CCDC60: variants seen among roughly 807,000 people sequenced by gnomAD.
CCDC60 encodes the protein coiled-coil domain containing 60.
In CCDC60, 54 loss-of-function variants were observed where a neutral mutation model predicts 63.5. The observed-to-expected ratio is 0.85, with a 90% CI of 0.68 to 1.07. The LOEUF is 1.07. Among genes scored for constraint, CCDC60 ranks in the 50% least tolerant of loss-of-function variants. The probability of loss-of-function intolerance (pLI) is 0.00; values close to 1 mark genes in which losing one functional copy is unlikely to be tolerated. For synonymous variants in CCDC60, 206 were observed against 238.8 expected (o/e 0.86, Z 1.27); for missense variants, 651 against 684.3 (o/e 0.95, Z 0.54).
intron 1 of CCDC60, among the ~76,000 whole-genome samples, chr12:119,419,828 A>G (rs1277860447): frequency 1.3e-5 from 2 of 151,532 alleles, no homozygotes; most frequent in Admixed American, 6.6e-5. Flanking sequence ...TTCCTATAAA[A>G]GATGCAACCT....
In CCDC60 at chr12:119,471,900, C is replaced by A; in HGVS notation, c.171-94C>A. 6.0e-6 allele frequency: 6 copies of A among 994,908 alleles called. No individual in the cohort carries two copies. The South Asian group carries it at 1.0e-4, about 17-fold the overall frequency. The allele number at this position is 994,908 out of a possible 1,614,324, so 61.6% of individuals were successfully genotyped here. A position where few individuals can be genotyped will look rare whatever the true frequency, so the allele number is the denominator to read the frequency against. On this transcript the variant is annotated intron_variant, in intron 2 of 13. Transcript: ENST00000327554. ...CCTCTTTATCTCTCTTTTCTCTTTCCTCTCTCTCTTTCTTTCTCTCCTTCT... is the reference window on the plus strand; with the variant it reads ...CCTCTTTATCTCTCTTTTCTCTTTCATCTCTCTCTTTCTTTCTCTCCTTCT...
rs148770195 is a variant in CCDC60 at position 119,539,671 on chromosome 12, C to T, written c.1552-943C>T. On this transcript the variant is annotated intron_variant, in intron 13 of 13. Coordinates refer to ENST00000327554, the MANE Select transcript of CCDC60 (RefSeq NM_178499.5). Reference sequence around the variant, plus strand: ...GACCACTTGGCTCCCTGGCTTCAGCCCCCTTTCCAGGGGAGTGGCAGTTGT... The same window carrying T: ...GACCACTTGGCTCCCTGGCTTCAGCTCCCTTTCCAGGGGAGTGGCAGTTGT... Among the ~76,000 whole-genome samples, 574 of 152,314 alleles carry T rather than the reference C, an allele frequency of 3.8e-3. 4 individuals carry two copies. The highest frequency in any genetic ancestry group is 0.013 in the African/African-American group (551 of 41,570).
chr12:119,522,858 C>A, intron 9 of CCDC60, 81 bp from the exon 10 acceptor site: 1 of 1,189,136 alleles, frequency 8.4e-7, no homozygotes, highest in Non-Finnish European at 1.3e-6. Flanking sequence ...TGGAAGCTAG[C>A]AGGTGCCATG....
At chr12:119,373,259 A>G (rs1222297483) in intron 1 of CCDC60, among the ~76,000 whole-genome samples, 1 of 152,212 alleles carries the variant, frequency 6.6e-6, no homozygotes, top group Non-Finnish European at 1.5e-5. Flanking sequence ...TGCCTAGCAC[A>G]TAGCATTTAC....
At position 119,539,634 on chromosome 12, in the gene CCDC60, T is replaced by A. The variant is rs544189469; in HGVS notation, c.1552-980T>A. On this transcript the variant is annotated intron_variant, in intron 13 of 13. Transcript: ENST00000327554. Reference sequence around the variant, plus strand: ...CTTGCTGGGCTCCGTGGAAGTGGGATCCAGTGAGCTAGACCACTTGGCTCC... The same window carrying A: ...CTTGCTGGGCTCCGTGGAAGTGGGAACCAGTGAGCTAGACCACTTGGCTCC... Among the ~76,000 whole-genome samples the A allele has an allele frequency of 2.3e-3, 350 of 152,352 alleles. 3 individuals are homozygous for A. Among genetic ancestry groups the A allele is most frequent in the Non-Finnish European group, 3.6e-3 (242 of 68,026 alleles).
intron 2 of CCDC60, among the ~76,000 whole-genome samples, chr12:119,466,190 C>T (rs911355654): frequency 6.6e-6 from 1 of 152,170 alleles, no homozygotes. Context: ...TGCACTGACA[C>T]CCCTCATCCC....
Position 119,505,096 on chromosome 12 carries a change from CG to C in CCDC60, c.677del (p.Arg226GlnfsTer16), listed in dbSNP as rs1951957047. 1.9e-6 allele frequency: 3 copies of C among 1,607,368 alleles called. No individual in the cohort carries two copies. In the African/African-American group the frequency reaches 4.0e-5, roughly 21 times the overall value. ...CAAGAAATTCAAAATTCCCACAATG[CG>C]AGTCACCAACCGCAAACCAAGCCGG... is the stretch of plus-strand genomic sequence containing the variant. ...KTKKFKIPTM[R>X]VTNRKPSRRG... On this transcript the variant is annotated frameshift_variant, in exon 7 of 14. Transcript: ENST00000327554. LOFTEE classifies it high-confidence loss of function.
At chr12:119,485,562 G>A (rs1951419582) in intron 4 of CCDC60, among the ~76,000 whole-genome samples, 1 of 152,282 alleles carries the variant, frequency 6.6e-6, no homozygotes, top group African/African-American at 2.4e-5. Flanking sequence ...CTCTCTCCCT[G>A]TCTTCTCTGT....
At chr12:119,395,264 G>A (rs574702331) in intron 1 of CCDC60, among the ~76,000 whole-genome samples, 1 of 152,190 alleles carries the variant, frequency 6.6e-6, no homozygotes, top group Non-Finnish European at 1.5e-5. Context: ...ATGTGTATTA[G>A]TGCATTATTG....
chr12:119,420,605 C>T lies in CCDC60; in HGVS notation c.91-8078C>T, dbSNP rs4638359. Among the ~76,000 whole-genome samples the T allele has an allele frequency of 0.32, 48,138 of 151,780 alleles. 7,839 individuals are homozygous for T. The highest frequency in any genetic ancestry group is 0.48 in the East Asian group (2,450 of 5,132). Reference sequence around the variant, plus strand: ...GATGGGGGGCAGAAGGTGGGAATGGCTAACGGGTACCAAAAAAATAGAAAG... The same window carrying T: ...GATGGGGGGCAGAAGGTGGGAATGGTTAACGGGTACCAAAAAAATAGAAAG... On this transcript the variant is annotated intron_variant, in intron 1 of 13. Transcript: ENST00000327554. This position sits in a 1 kb window ranked among gnomAD's most constrained non-coding sequence, Gnocchi z 4.1.
intron 1 of CCDC60, among the ~76,000 whole-genome samples, chr12:119,388,909 T>G (rs1479245341): frequency 6.6e-6 from 1 of 152,254 alleles, no homozygotes; most frequent in African/African-American, 2.4e-5. Flanking sequence ...TTTCCTACTT[T>G]TAGAGTATCA....
intron 1 of CCDC60, among the ~76,000 whole-genome samples, chr12:119,395,720 G>C (rs1956240186): frequency 6.6e-6 from 1 of 152,204 alleles, no homozygotes; most frequent in Admixed American, 6.5e-5. Context: ...CAAATGGGTG[G>C]CTCAAAACAG....
At chr12:119,421,801 C>T (rs1310132488) in intron 1 of CCDC60, among the ~76,000 whole-genome samples, 1 of 152,172 alleles carries the variant, frequency 6.6e-6, no homozygotes, top group Non-Finnish European at 1.5e-5. Flanking sequence ...TGACAGCAAA[C>T]GTCTTTCCAT....
intron 1 of CCDC60, among the ~76,000 whole-genome samples, chr12:119,360,696 CG>C (rs1955777641): frequency 6.6e-6 from 1 of 151,912 alleles, no homozygotes; most frequent in Non-Finnish European, 1.5e-5. Flanking sequence ...GATGTGATGG[CG>C]GCCGGGAAGA....
intron 1 of CCDC60, among the ~76,000 whole-genome samples, chr12:119,380,849 T>G (rs1165979432): frequency 6.6e-6 from 1 of 152,242 alleles, no homozygotes; most frequent in Non-Finnish European, 1.5e-5. Context: ...TTGTATTTAC[T>G]TTTATAGTTA....
intron 1 of CCDC60, among the ~76,000 whole-genome samples, chr12:119,364,122 G>A (rs534153231): frequency 3.3e-5 from 5 of 152,124 alleles, no homozygotes; most frequent in South Asian, 2.1e-4. Context: ...AATTTGGGGC[G>A]GTTTCGAGCT....
chr12:119,504,989 T>G, intron 6 of CCDC60, 80 bp from the exon 7 acceptor site: 9 of 1,049,482 alleles, frequency 8.6e-6, no homozygotes, highest in Non-Finnish European at 1.3e-5. Context: ...CTCCCCACCT[T>G]CCTCCTTCCC....
Position 119,338,433 on chromosome 12 carries a change from G to C in CCDC60, c.90+3167G>C, listed in dbSNP as rs145169041. ...TTCAGAACCTTCTACAATCCTTCAA[G>C]CTATGAACTGTTACCTCTTCATGAG... On this transcript the variant is annotated intron_variant, in intron 1 of 13. Coordinates refer to ENST00000327554, the MANE Select transcript of CCDC60 (RefSeq NM_178499.5). 3.4e-3 allele frequency among the ~76,000 whole-genome samples: 523 copies of C among 152,246 alleles called. 4 individuals are homozygous for C. Among genetic ancestry groups the C allele is most frequent in the African/African-American group, 0.012 (490 of 41,540 alleles).
intron 5 of CCDC60, among the ~76,000 whole-genome samples, chr12:119,491,018 A>T (rs1951568584): frequency 6.6e-6 from 1 of 152,214 alleles, no homozygotes; most frequent in South Asian, 2.1e-4. Context: ...AAAGTCTATG[A>T]TATGTCCTTC....
Sources: allele counts gnomAD v4.1 joint callset (sites outside exome capture counted in the v4.1 genomes callset), GRCh38; gene constraint gnomAD v4.1.1; non-coding constraint Gnocchi (gnomAD v3.1); transcripts MANE v1.5; gene names NCBI Gene and HGNC (gene_info 2026-07-23, HGNC 2026-07-21).